UBE2O: variants seen among roughly 807,000 people sequenced by gnomAD.
UBE2O encodes (E3-independent) E2 ubiquitin-conjugating enzyme.
In UBE2O, 15 loss-of-function variants were observed where a neutral mutation model predicts 125.8. That is an observed-to-expected ratio of 0.12 (90% CI 0.08 to 0.18). UBE2O has a LOEUF of 0.18. Ranked by LOEUF, UBE2O falls within the 10% of genes least tolerant of loss-of-function variation. The pLI is 1.00. For synonymous variants in UBE2O, 708 were observed against 703.2 expected, an observed-to-expected ratio of 1.01 and a Z score of -0.11; for missense variants, 1,280 against 1,723.6, an observed-to-expected ratio of 0.74 and a Z score of 4.56.
intron 1 of UBE2O, among the ~76,000 whole-genome samples, chr17:76,433,897 C>T (rs1042136475): frequency 5.3e-5 from 8 of 152,128 alleles, no homozygotes; most frequent in Admixed American, 1.3e-4. Context: ...CCAGGCGTGG[C>T]GGTGCGCGCC....
chr17:76,409,245 G>C (rs888408441), intron 1 of UBE2O, among the ~76,000 whole-genome samples: 4 of 152,208 alleles, frequency 2.6e-5, no homozygotes, highest in Non-Finnish European at 5.9e-5. Flanking sequence ...TGGGATTACA[G>C]GCGTGAGCCA....
chr17:76,434,794 T>A (rs500466), intron 1 of UBE2O, among the ~76,000 whole-genome samples: 63,012 of 133,218 alleles, frequency 0.47, 16,089 homozygotes, highest in Non-Finnish European at 0.58. Flanking sequence ...TTTTTTTTTT[T>A]AAAAAAACAA....
chr17:76,441,277 A>G (rs2073072377), intron 1 of UBE2O, among the ~76,000 whole-genome samples: 1 of 152,196 alleles, frequency 6.6e-6, no homozygotes, highest in African/African-American at 2.4e-5. Context: ...GTTATACTCA[A>G]AACAACTACC....
rs754982202 is a variant in UBE2O, at chr17:76,391,264, C to T, written c.3558G>A (p.Glu1186=). The change falls in exon 18 of 18, where the codon GAG becomes GAA. Residue 1186 remains glutamate (E), a synonymous_variant. Transcript: ENST00000319380. The surrounding 1 kb of genome is among the most constrained non-coding windows in gnomAD (Gnocchi z 8.4). ...ELSDSGQQEP[E]DGGPAPGEAS... ...CCTCTCCTGGGGCTGGCCCTCCATC[C>T]TCAGGTTCTTGTTGGCCGGAGTCTG... 10 of 1,613,080 alleles carry T rather than the reference C, an allele frequency of 6.2e-6. No homozygotes were observed. Among genetic ancestry groups the T allele is most frequent in the Admixed American group, 5.0e-5 (3 of 60,008 alleles).
At chr17:76,444,332 T>A (rs760188089) in intron 1 of UBE2O, among the ~76,000 whole-genome samples, 2 of 152,168 alleles carry the variant, frequency 1.3e-5, no homozygotes, top group South Asian at 2.1e-4. Context: ...GAGGATCACT[T>A]GGGGTCAGGA....
chr17:76,434,575 G>A (rs748935218), intron 1 of UBE2O, among the ~76,000 whole-genome samples: 5 of 152,092 alleles, frequency 3.3e-5, no homozygotes, highest in South Asian at 2.1e-4. Context: ...CCTGGGGAAA[G>A]GCAACAGAAC....
intron 1 of UBE2O, among the ~76,000 whole-genome samples, chr17:76,438,044 G>A (rs772266156): frequency 1.3e-5 from 2 of 152,016 alleles, no homozygotes; most frequent in African/African-American, 4.8e-5. Context: ...TGCTATTACC[G>A]GCAGGACCAG....
chr17:76,447,995 C>T (rs1477258172), intron 1 of UBE2O, among the ~76,000 whole-genome samples: 1 of 152,178 alleles, frequency 6.6e-6, no homozygotes, highest in Non-Finnish European at 1.5e-5. Context: ...AGATAGACCT[C>T]TTATTTCATT....
intron 1 of UBE2O, among the ~76,000 whole-genome samples, chr17:76,441,676 A>G (rs1567855680): frequency 6.6e-6 from 1 of 152,200 alleles, no homozygotes; most frequent in Non-Finnish European, 1.5e-5. Flanking sequence ...AGCCCAATGG[A>G]ATTAGGACAA....
intron 1 of UBE2O, among the ~76,000 whole-genome samples, chr17:76,437,449 CA>C (rs549634787): frequency 2.5e-3 from 146 of 58,354 alleles, no homozygotes; most frequent in Admixed American, 3.3e-3. Flanking sequence ...GATTCCATCT[CA>C]AAAAAAAAAA....
chr17:76,391,347 G>A lies in UBE2O; in HGVS notation c.3475C>T (p.Pro1159Ser). The A allele has an allele frequency of 6.2e-7, 1 of 1,613,136 alleles. No homozygotes were observed. The highest frequency in any genetic ancestry group is 8.5e-7 in the Non-Finnish European group (1 of 1,180,014). ...CTGCTGGCCTTGGGCACCCCGTTGG[G>A]CAGTGCCTGGGCCTTCTCCAGCAGG... is the stretch of plus-strand genomic sequence containing the variant. ...HALLEKAQAL[P>S]NGVPKASSSP... Residue 1159 changes from proline (P) to serine (S), a missense_variant, in exon 18 of 18, where the codon CCC becomes TCC. Transcript: ENST00000319380. This position sits in a 1 kb window ranked among gnomAD's most constrained non-coding sequence, Gnocchi z 8.4.
chr17:76,399,850 G>A lies in UBE2O; in HGVS notation c.1227C>T (p.Asp409=). ...TCTTGTCTGGGTCTTCCATGGAATG[G>A]TCCCGGGAACACTGGGTGTCTGGGG... ...SCSPDTQCSR[D]HSMEDPDKKG... The change falls in exon 9 of 18, where the codon GAC becomes GAT. Residue 409 remains aspartate (D), a synonymous_variant. Transcript: ENST00000319380. The surrounding 1 kb of genome is among the most constrained non-coding windows in gnomAD (Gnocchi z 6.9). The A allele has an allele frequency of 6.2e-7, 1 of 1,614,092 alleles. No homozygotes were observed. The highest frequency in any genetic ancestry group is 8.5e-7 in the Non-Finnish European group (1 of 1,179,986).
rs145974683 is a variant in UBE2O, at chr17:76,418,263, G to A, written c.418-12691C>T. Among the ~76,000 whole-genome samples, 855 of 152,250 alleles carry A rather than the reference G, an allele frequency of 5.6e-3. 7 individuals are homozygous for A. Among genetic ancestry groups the A allele is most frequent in the Middle Eastern group, 0.02 (6 of 294 alleles). On this transcript the variant is annotated intron_variant, in intron 1 of 17. Coordinates refer to ENST00000319380, the MANE Select transcript of UBE2O (RefSeq NM_022066.4). Reference sequence around the variant, plus strand: ...TCTAGGAGCCCACAGCCTCCCGGAGGGCTCTCCAGGCCTCACACAAAAACT... The same window carrying A: ...TCTAGGAGCCCACAGCCTCCCGGAGAGCTCTCCAGGCCTCACACAAAAACT...
At chr17:76,392,201 T>A in intron 15 of UBE2O, 88 bp from the exon 16 acceptor site, 1 of 794,866 alleles carries the variant, frequency 1.3e-6, no homozygotes, top group Non-Finnish European at 1.9e-6. Context: ...CACCTGCTCT[T>A]TCCCAGGACA....
Position 76,402,826 on chromosome 17 carries a change from T to C in UBE2O, c.589-127A>G. 5 of 782,724 alleles carry C rather than the reference T, an allele frequency of 6.4e-6. No individual in the cohort carries two copies. The highest frequency in any genetic ancestry group is 4.6e-5 in the South Asian group (3 of 65,566). The allele number at this position is 782,724 out of a possible 1,614,324, so 48.5% of individuals were successfully genotyped here. On this transcript the variant is annotated intron_variant, in intron 3 of 17. Transcript: ENST00000319380. The surrounding 1 kb of genome is among the most constrained non-coding windows in gnomAD (Gnocchi z 5.4). ...CTAGACAGCTCACTGACTGGACCGG[T>C]TGGCTACTAGCCCTAAACAGCTGCT...
rs2072068760 is a variant in UBE2O at position 76,389,692 on chromosome 17, G to A, written c.*1251C>T. On this transcript the variant is annotated 3_prime_UTR_variant, in exon 18 of 18. Coordinates refer to ENST00000319380, the MANE Select transcript of UBE2O (RefSeq NM_022066.4). ...CCGACTCGGTTCCAAATGCCACGGTGTGTGGTCCGGCTCCATCCTCCCGCA... is the reference window on the plus strand; with the variant it reads ...CCGACTCGGTTCCAAATGCCACGGTATGTGGTCCGGCTCCATCCTCCCGCA... 1 of 152,122 alleles carries A rather than the reference G, an allele frequency of 6.6e-6. No homozygotes were observed. The allele number at this position is 152,122 out of a possible 1,614,324, so 9.4% of individuals were successfully genotyped here.
At chr17:76,447,977 G>T (rs9896887) in intron 1 of UBE2O, among the ~76,000 whole-genome samples, 1 of 152,056 alleles carries the variant, frequency 6.6e-6, no homozygotes, top group Admixed American at 6.5e-5. Flanking sequence ...ATCATATCGG[G>T]GTTAGGAAGA....
chr17:76,423,971 G>T (rs1250528307), intron 1 of UBE2O, among the ~76,000 whole-genome samples: 1 of 145,164 alleles, frequency 6.9e-6, no homozygotes, highest in East Asian at 2.1e-4. Context: ...GCAGCGGCGC[G>T]ATCTTGGCTC....
rs765722923 is a variant in UBE2O, at chr17:76,391,778, G to A, written c.3186C>T (p.Leu1062=). ...TERWTSKSSL[L]QVLISIQGLI... is the part of the protein sequence containing the mutation. ...TACCTTGGATGGAGATGAGCACCTG[G>A]AGAAGGCTGGACTTGCTTGTCCACC... The change falls in exon 17 of 18, where the codon CTC becomes CTT. Residue 1062 remains leucine (L), a synonymous_variant. Transcript: ENST00000319380. The surrounding 1 kb of genome is among the most constrained non-coding windows in gnomAD (Gnocchi z 8.4). 2 of 1,614,160 alleles carry A rather than the reference G, an allele frequency of 1.2e-6. No homozygotes were observed. The highest frequency in any genetic ancestry group is 2.2e-5 in the South Asian group (2 of 91,084).
Sources: allele counts gnomAD v4.1 joint callset (sites outside exome capture counted in the v4.1 genomes callset), GRCh38; gene constraint gnomAD v4.1.1; non-coding constraint Gnocchi (gnomAD v3.1); transcripts MANE v1.5; gene names NCBI Gene and HGNC (gene_info 2026-07-23, HGNC 2026-07-21).